Variants in ARMC3 observed in about 807,000 individuals in gnomAD.
ARMC3 encodes the protein armadillo repeat containing 3.
Under a neutral mutation model 90.3 loss-of-function variants are expected in ARMC3, and 74 were observed. The ratio of observed to expected loss-of-function variants is 0.82; its 90% confidence interval spans 0.68 to 0.99. The LOEUF is 0.99. Ranked by LOEUF, ARMC3 falls within the 50% of genes least tolerant of loss-of-function variation. The probability of loss-of-function intolerance (pLI) is 0.00; values close to 1 mark genes in which losing one functional copy is unlikely to be tolerated. For missense variants in ARMC3, 958 were observed against 1,042.8 expected, an observed-to-expected ratio of 0.92 and a Z score of 1.12; for synonymous variants, 334 against 361.8, an observed-to-expected ratio of 0.92 and a Z score of 0.87.
intron 16 of ARMC3, among the ~76,000 whole-genome samples, chr10:23,010,957 G>T (rs1588919047): frequency 6.6e-5 from 2 of 30,256 alleles, no homozygotes; most frequent in African/African-American, 1.6e-4. Context: ...TCCCTTCCCT[G>T]TTCTTCCCTT....
chr10:23,010,265 T>TTCCC (rs1166914725), intron 16 of ARMC3, among the ~76,000 whole-genome samples: 2 of 140,568 alleles, frequency 1.4e-5, no homozygotes, highest in Non-Finnish European at 3.1e-5. Flanking sequence ...CTTCTCTTCC[T>TTCCC]TTCCCTTCCC....
chr10:23,012,317 T>C (rs1838052239), intron 16 of ARMC3, among the ~76,000 whole-genome samples: 1 of 152,206 alleles, frequency 6.6e-6, no homozygotes, highest in Non-Finnish European at 1.5e-5. Context: ...CTTTGTTCTA[T>C]AGATAAATCC....
intron 8 of ARMC3, among the ~76,000 whole-genome samples, chr10:22,970,875 T>C (rs1040433681): frequency 6.6e-6 from 1 of 152,216 alleles, no homozygotes; most frequent in Non-Finnish European, 1.5e-5. Context: ...AATCCTATTC[T>C]TGCTTTTTAA....
At chr10:23,033,818 C>T (rs115131566) in intron 18 of ARMC3, among the ~76,000 whole-genome samples, 2,229 of 152,060 alleles carry the variant, frequency 0.015, 51 homozygotes, top group African/African-American at 0.05. Flanking sequence ...AGGTGTGGTG[C>T]GAGAGAGTAC....
At chr10:22,964,597 T>C (rs1240465814) in intron 7 of ARMC3, among the ~76,000 whole-genome samples, 8 of 151,758 alleles carry the variant, frequency 5.3e-5, no homozygotes, top group Admixed American at 3.3e-4. Context: ...TGCCACCACA[T>C]CCAGCTAATT....
At chr10:23,012,243 T>C (rs1385120328) in intron 16 of ARMC3, among the ~76,000 whole-genome samples, 2 of 152,342 alleles carry the variant, frequency 1.3e-5, no homozygotes, top group East Asian at 3.9e-4. Context: ...TATTGTGATA[T>C]TTGACACTGA....
chr10:23,036,957 C>G (rs1387630396), intron 18 of ARMC3, among the ~76,000 whole-genome samples: 1 of 152,216 alleles, frequency 6.6e-6, no homozygotes, highest in African/African-American at 2.4e-5. Flanking sequence ...TGGATAGATG[C>G]ACTAGTGCAA....
rs769301977 is a variant in ARMC3 at position 22,998,356 on chromosome 10, G to A, written c.1384G>A (p.Ala462Thr). Residue 462 changes from alanine to threonine, a missense_variant, in exon 11 of 19, where the codon GCT becomes ACT. Coordinates refer to ENST00000298032, the MANE Select transcript of ARMC3 (RefSeq NM_173081.5). ...NTVVQSKAALAVTATACDVEA... is the reference protein window; with the variant it reads ...NTVVQSKAALTVTATACDVEA... Reference sequence around the variant, plus strand: ...AGTCGTGCAGAGCAAAGCTGCTCTCGCTGTCACCGCAACTGCGTGTGACGT... The same window carrying A: ...AGTCGTGCAGAGCAAAGCTGCTCTCACTGTCACCGCAACTGCGTGTGACGT... 4.3e-6 allele frequency: 7 copies of A among 1,614,034 alleles called. No individual in the cohort carries two copies. The highest frequency in any genetic ancestry group is 5.1e-6 in the Non-Finnish European group (6 of 1,179,964).
chr10:23,005,244 G>T (rs376322197), intron 13 of ARMC3, among the ~76,000 whole-genome samples: 1 of 150,794 alleles, frequency 6.6e-6, no homozygotes, highest in East Asian at 1.9e-4. Flanking sequence ...CCAAACCAAG[G>T]GGGGAAAACA....
intron 3 of ARMC3, among the ~76,000 whole-genome samples, chr10:22,953,734 A>C (rs1834819593): frequency 6.6e-6 from 1 of 152,222 alleles, no homozygotes; most frequent in African/African-American, 2.4e-5. Flanking sequence ...TGTAGTTAAA[A>C]ACTTTCTCAC....
At chr10:22,972,831 G>A (rs1835734686) in intron 8 of ARMC3, among the ~76,000 whole-genome samples, 1 of 152,132 alleles carries the variant, frequency 6.6e-6, no homozygotes, top group Non-Finnish European at 1.5e-5. Context: ...ATTATCTATA[G>A]ATAGGTTGAT....
chr10:22,963,925 A>C (rs1355966043), intron 7 of ARMC3, among the ~76,000 whole-genome samples: 163 of 84,352 alleles, frequency 1.9e-3, no homozygotes, highest in African/African-American at 9.9e-3. Context: ...ACACACACAA[A>C]AAAAAAAAAA....
intron 10 of ARMC3, among the ~76,000 whole-genome samples, chr10:22,986,106 G>GC (rs1564373013): frequency 8.5e-6 from 1 of 118,160 alleles, no homozygotes; most frequent in African/African-American, 3.2e-5. Context: ...CCCCTGCACT[G>GC]CACGCCCCCC....
intron 16 of ARMC3, among the ~76,000 whole-genome samples, chr10:23,027,022 T>C (rs1368403404): frequency 6.6e-6 from 1 of 152,206 alleles, no homozygotes; most frequent in African/African-American, 2.4e-5. Flanking sequence ...TTACTGTAGC[T>C]ATATAGTAAG....
chr10:22,937,672 G>T (rs193092190), intron 2 of ARMC3, among the ~76,000 whole-genome samples: 76 of 152,284 alleles, frequency 5.0e-4, no homozygotes, highest in African/African-American at 1.7e-3. Flanking sequence ...TACCTTCAAA[G>T]CCTACTGATA....
chr10:22,951,016 C>T (rs1420802268), intron 3 of ARMC3, among the ~76,000 whole-genome samples: 1 of 151,370 alleles, frequency 6.6e-6, no homozygotes, highest in Non-Finnish European at 1.5e-5. Context: ...CGGCTCACTG[C>T]AAGCTCCGCC....
chr10:23,015,338 TCTC>T (rs1353754505), intron 16 of ARMC3, among the ~76,000 whole-genome samples: 1 of 152,216 alleles, frequency 6.6e-6, no homozygotes, highest in Non-Finnish European at 1.5e-5. Flanking sequence ...GGTTATCCAC[TCTC>T]CTCCTTCCTT....
intron 1 of ARMC3, among the ~76,000 whole-genome samples, chr10:22,928,734 T>C (rs1423057822): frequency 1.3e-5 from 2 of 152,186 alleles, no homozygotes. Flanking sequence ...AATCAGAGAC[T>C]GGCTAGATAG....
In ARMC3 at chr10:23,008,935, A is replaced by C. The variant is rs201260221; in HGVS notation, c.2045+4A>C. ...CCACCAAAGAAAAAGGATGGAGGTA[A>C]GAAAGTGTCCTGAGTTCCTCATTAC... On this transcript the variant is annotated splice_donor_region_variant and intron_variant, in intron 16 of 18. Transcript: ENST00000298032. The C allele has an allele frequency of 1.9e-6, 3 of 1,611,716 alleles. No homozygotes were observed. The highest frequency in any genetic ancestry group is 2.5e-6 in the Non-Finnish European group (3 of 1,178,484).
Sources: gnomAD v4.1 joint callset for allele counts (sites outside exome capture counted in the v4.1 genomes callset) on GRCh38, gnomAD v4.1.1 for gene constraint, MANE v1.5 for transcripts, NCBI Gene and HGNC (gene_info 2026-07-23, HGNC 2026-07-21) for gene names.